Variants in PLD5 observed in about 807,000 individuals in gnomAD.
The protein encoded by PLD5 is phospholipase D family member 5.
PLD5 carries 36 observed loss-of-function variants against 61.1 expected under a neutral mutation model. That is an observed-to-expected ratio of 0.59 (90% CI 0.45 to 0.78). The LOEUF is 0.78. PLD5 is among the 30% of genes least tolerant of loss of function. The probability of loss-of-function intolerance (pLI) is 0.00; values close to 1 mark genes in which losing one functional copy is unlikely to be tolerated. For missense variants in PLD5, 515 were observed against 644.4 expected (o/e 0.80, Z 2.17); for synonymous variants, 243 against 242.8 (o/e 1.00, Z -0.01).
intron 4 of PLD5, among the ~76,000 whole-genome samples, chr1:242,257,860 CTT>C (rs1558404564): frequency 6.6e-6 from 1 of 152,154 alleles, no homozygotes; most frequent in Non-Finnish European, 1.5e-5. Context: ...GTCACTCTCT[CTT>C]AGCAGATAAT....
At chr1:242,195,901 A>G (rs1257402261) in intron 5 of PLD5, among the ~76,000 whole-genome samples, 3 of 152,344 alleles carry the variant, frequency 2.0e-5, no homozygotes, top group East Asian at 3.9e-4. Flanking sequence ...TAACTCATGT[A>G]AACTCAAAGA....
chr1:242,355,951 A>G (rs1479213253), intron 1 of PLD5, among the ~76,000 whole-genome samples: 1 of 151,106 alleles, frequency 6.6e-6, no homozygotes, highest in Non-Finnish European at 1.5e-5. Context: ...AATACCAGAT[A>G]TGATTTCAAT....
intron 2 of PLD5, among the ~76,000 whole-genome samples, chr1:242,317,344 C>T (rs796289732): frequency 1.1e-4 from 17 of 152,298 alleles, no homozygotes; most frequent in African/African-American, 3.6e-4. Context: ...TAGGTTGATT[C>T]TATGTCTTTG....
intron 5 of PLD5, among the ~76,000 whole-genome samples, chr1:242,180,798 T>C (rs1667468792): frequency 6.6e-6 from 1 of 152,058 alleles, no homozygotes; most frequent in Non-Finnish European, 1.5e-5. Context: ...CTGGGCAACA[T>C]AGGGAGACCC....
At chr1:242,389,430 C>T (rs1342712783) in intron 1 of PLD5, among the ~76,000 whole-genome samples, 3 of 152,030 alleles carry the variant, frequency 2.0e-5, no homozygotes, top group Non-Finnish European at 4.4e-5. Context: ...AAGTATATAT[C>T]TCTCTTCCAA....
chr1:242,187,978 G>T (rs1668012266), intron 5 of PLD5, among the ~76,000 whole-genome samples: 1 of 152,184 alleles, frequency 6.6e-6, no homozygotes, highest in Non-Finnish European at 1.5e-5. Context: ...GAGTGCTAGA[G>T]GGGTATGAGA....
chr1:242,441,265 TTGA>T (rs1227589022), intron 1 of PLD5, among the ~76,000 whole-genome samples: 1 of 152,142 alleles, frequency 6.6e-6, no homozygotes, highest in East Asian at 1.9e-4. Flanking sequence ...GAGTATATAA[TTGA>T]TGAAAGATTT....
intron 5 of PLD5, among the ~76,000 whole-genome samples, chr1:242,147,317 C>A (rs1425342050): frequency 6.6e-6 from 1 of 152,266 alleles, no homozygotes; most frequent in East Asian, 1.9e-4. Context: ...ATGTGAGATC[C>A]ATTCATGCTG....
chr1:242,240,462 G>A (rs183599230), intron 4 of PLD5, among the ~76,000 whole-genome samples: 1 of 152,314 alleles, frequency 6.6e-6, no homozygotes, highest in African/African-American at 2.4e-5. Flanking sequence ...ATTTAATAGC[G>A]AATGTAATGA....
chr1:242,439,912 G>A (rs141085206), intron 1 of PLD5, among the ~76,000 whole-genome samples: 1 of 152,338 alleles, frequency 6.6e-6, no homozygotes, highest in African/African-American at 2.4e-5. Context: ...GCCACAAGCA[G>A]TGGAAAGTTC....
intron 4 of PLD5, among the ~76,000 whole-genome samples, chr1:242,238,039 A>G (rs1671753540): frequency 6.6e-6 from 1 of 152,096 alleles, no homozygotes. Flanking sequence ...GTTTTGAACC[A>G]GAGATAAGTA....
intron 3 of PLD5, among the ~76,000 whole-genome samples, chr1:242,266,491 A>T (rs1265274189): frequency 1.3e-5 from 2 of 152,250 alleles, no homozygotes; most frequent in Non-Finnish European, 2.9e-5. Flanking sequence ...CAGTCATTGC[A>T]TTATCTCAGG....
intron 2 of PLD5, among the ~76,000 whole-genome samples, chr1:242,326,013 G>A (rs980237426): frequency 2.6e-5 from 4 of 151,878 alleles, no homozygotes; most frequent in African/African-American, 9.7e-5. Context: ...TCAGCCTCCC[G>A]AGTAGTTGGG....
chr1:242,425,847 G>A (rs992220778), intron 1 of PLD5, among the ~76,000 whole-genome samples: 6 of 151,814 alleles, frequency 4.0e-5, no homozygotes, highest in Non-Finnish European at 8.8e-5. Flanking sequence ...GTTTCATCCT[G>A]TTGGACAGGA....
rs993987490 is a variant in PLD5, at chr1:242,438,566, T to C, written c.189+85522A>G. Among the ~76,000 whole-genome samples, 12 of 150,058 alleles carry C rather than the reference T, an allele frequency of 8.0e-5. No homozygotes were observed. In the Admixed American group the frequency reaches 8.0e-4, roughly 10 times the overall value. ...TTCAAGCGACTCTCCTACCTCAGCC[T>C]CCTGAGTACTCAGATTACCGGCACG... On this transcript the variant is annotated intron_variant, in intron 1 of 9. Transcript: ENST00000536534.
At chr1:242,515,863 A>C (rs750563639) in intron 1 of PLD5, among the ~76,000 whole-genome samples, 6 of 152,238 alleles carry the variant, frequency 3.9e-5, no homozygotes, top group African/African-American at 4.8e-5. Context: ...TTAATGTAGT[A>C]GATACTGCAA....
At chr1:242,176,083 T>G (rs1667120420) in intron 5 of PLD5, among the ~76,000 whole-genome samples, 1 of 152,168 alleles carries the variant, frequency 6.6e-6, no homozygotes, top group Non-Finnish European at 1.5e-5. Flanking sequence ...CAGAAAAAAC[T>G]GCTTTAAAGT....
intron 5 of PLD5, among the ~76,000 whole-genome samples, chr1:242,194,661 T>TCTATCTAC (rs1359703509): frequency 6.7e-6 from 1 of 148,168 alleles, no homozygotes; most frequent in Non-Finnish European, 1.5e-5. Flanking sequence ...TATCTATCTA[T>TCTATCTAC]CTATCTACCT....
rs958791634 is a variant in PLD5, at chr1:242,124,540, G to A, written c.861C>T (p.Leu287=). The part of the protein sequence containing the change: ...SRVPQTWSKR[L]YGVYDNEKKL... ...TCTTTTCATTGTCATAGACTCCATA[G>A]AGTCTTTTGGACCAGGTTTGAGGCA... The change falls in exon 6 of 10, where the codon CTC becomes CTT. Residue 287 remains leucine (L), a synonymous_variant. Coordinates refer to ENST00000536534, the MANE Select transcript of PLD5 (RefSeq NM_001372062.1). The A allele has an allele frequency of 6.2e-7, 1 of 1,614,098 alleles. No homozygotes were observed. The highest frequency in any genetic ancestry group is 8.5e-7 in the Non-Finnish European group (1 of 1,179,988).
Sources: allele counts gnomAD v4.1 joint callset (sites outside exome capture counted in the v4.1 genomes callset), GRCh38; gene constraint gnomAD v4.1.1; transcripts MANE v1.5; gene names NCBI Gene and HGNC (gene_info 2026-07-23, HGNC 2026-07-21).